The following PPP6R2 variants were observed in gnomAD, a reference collection of about 807,000 sequenced individuals.
PPP6R2 encodes the protein serine/threonine-protein phosphatase 6 regulatory subunit 2.
Under a neutral mutation model 100.2 loss-of-function variants are expected in PPP6R2, and 62 were observed. The ratio of observed to expected loss-of-function variants is 0.62; its 90% CI spans 0.50 to 0.76. The LOEUF (loss-of-function observed/expected upper bound fraction) is 0.76. PPP6R2 is among the 30% of genes least tolerant of loss of function. PPP6R2 has a pLI of 0.00. For missense variants in PPP6R2, 1,142 were observed against 1,276.3 expected (o/e 0.89, Z 1.60); for synonymous variants, 525 against 514.7 (o/e 1.02, Z -0.27).
chr22:50,347,852 C>A (rs184236210), intron 1 of PPP6R2, among the ~76,000 whole-genome samples: 11 of 152,314 alleles, frequency 7.2e-5, no homozygotes, highest in Non-Finnish European at 1.0e-4. Flanking sequence ...AGGCTCTTCA[C>A]CTCTTTTTGA....
At chr22:50,398,504 A>G (rs1301301270) in intron 3 of PPP6R2, among the ~76,000 whole-genome samples, 1 of 147,536 alleles carries the variant, frequency 6.8e-6, no homozygotes, top group South Asian at 2.1e-4. Context: ...AAAAAAAAAA[A>G]CATATTAAGA....
At chr22:50,393,856 A>G in intron 2 of PPP6R2, 37 bp from the exon 3 acceptor site, 1 of 1,609,256 alleles carries the variant, frequency 6.2e-7, no homozygotes, top group Non-Finnish European at 8.5e-7. Context: ...TGGATTTGCA[A>G]GGGTGAGAGA....
intron 12 of PPP6R2, among the ~76,000 whole-genome samples, chr22:50,433,551 C>G (rs2063586935): frequency 1.1e-5 from 1 of 91,028 alleles, no homozygotes; most frequent in African/African-American, 4.0e-5. Context: ...GGCGCGGACG[C>G]TGGGCAGGGG....
In PPP6R2 at chr22:50,414,705, C is replaced by CCCCCGTT; in HGVS notation, c.552+20_552+21insGTTCCCC. 4 of 1,591,808 alleles carry CCCCCGTT rather than the reference C, an allele frequency of 2.5e-6. No homozygotes were observed. The highest frequency in any genetic ancestry group is 1.7e-5 in the Admixed American group (1 of 58,960). On this transcript the variant is annotated intron_variant, in intron 5 of 23. Transcript: ENST00000612753. ...CGTCCTGCACGTGAGTGCGGGAGTC[C>CCCCCGTT]CCCCCCGTTCCCGAGGGCAGGGGTG...
intron 2 of PPP6R2, among the ~76,000 whole-genome samples, chr22:50,382,417 T>C (rs1415262785): frequency 6.6e-6 from 1 of 151,280 alleles, no homozygotes; most frequent in Non-Finnish European, 1.5e-5. Flanking sequence ...ACTAACATGG[T>C]GAAACCCCGT....
chr22:50,342,405 G>A (rs2042501872), upstream of PPP6R2, among the ~76,000 whole-genome samples: 1 of 152,264 alleles, frequency 6.6e-6, no homozygotes, highest in Non-Finnish European at 1.5e-5. Context: ...GCTGACCAGG[G>A]CAGGGGACAG....
intron 2 of PPP6R2, among the ~76,000 whole-genome samples, chr22:50,385,789 T>G (rs1189181634): frequency 4.7e-5 from 7 of 148,810 alleles, no homozygotes; most frequent in South Asian, 2.1e-4. Flanking sequence ...GTGCTGGGAT[T>G]ACAGGCATGA....
In PPP6R2 at chr22:50,441,023, G is replaced by A; in HGVS notation, c.2576G>A (p.Gly859Asp). 6.3e-7 allele frequency: 1 copy of A among 1,581,512 alleles called. No homozygotes were observed. Among genetic ancestry groups the A allele is most frequent in the South Asian group, 1.1e-5 (1 of 89,284 alleles). Residue 859 changes from glycine (G) to aspartate (D), a missense_variant, in exon 22 of 24, where the codon GGC (glycine) becomes GAC (aspartate). Transcript: ENST00000612753. ...GTGGCCAGGACAGAGGAGGCTGTCG[G>A]CAGGTGTGTGGGGCGTGGCGGGGGC... is the stretch of plus-strand genomic sequence containing the variant. ...PTVARTEEAVGRVGCADSRLL... is the reference protein window; with the variant it reads ...PTVARTEEAVDRVGCADSRLL...
chr22:50,332,334 C>G, the PPP6R2 span, among the ~76,000 whole-genome samples: 3 of 151,544 alleles, frequency 2.0e-5, no homozygotes, highest in Non-Finnish European at 4.4e-5. Flanking sequence ...TTCACCCCCC[C>G]ATTCTTCTGC....
At chr22:50,362,477 C>T (rs541025063) in intron 1 of PPP6R2, among the ~76,000 whole-genome samples, 3 of 152,232 alleles carry the variant, frequency 2.0e-5, no homozygotes, top group East Asian at 1.9e-4. Flanking sequence ...CTCAGCCCGT[C>T]GCTGAGTCCT....
chr22:50,391,521 G>T (rs2055544465), intron 2 of PPP6R2, among the ~76,000 whole-genome samples: 1 of 151,638 alleles, frequency 6.6e-6, no homozygotes, highest in African/African-American at 2.4e-5. Context: ...GGCTGAGATG[G>T]GAGGACTGCT....
At chr22:50,430,866 T>G (rs1336496099) in intron 10 of PPP6R2, among the ~76,000 whole-genome samples, 8 of 110,522 alleles carry the variant, frequency 7.2e-5, no homozygotes, top group Admixed American at 1.2e-4. Flanking sequence ...AAAGCAAGAC[T>G]CCGTCTCAAA....
intron 1 of PPP6R2, among the ~76,000 whole-genome samples, chr22:50,366,231 A>C (rs1490319894): frequency 6.6e-6 from 1 of 151,858 alleles, no homozygotes; most frequent in Non-Finnish European, 1.5e-5. Context: ...TTACGTCCAA[A>C]GCCTTGTGAA....
intron 1 of PPP6R2, among the ~76,000 whole-genome samples, chr22:50,347,598 C>T (rs1397220271): frequency 6.6e-6 from 1 of 152,078 alleles, no homozygotes; most frequent in Non-Finnish European, 1.5e-5. Context: ...TTGTTACTGA[C>T]TCCTCCCAAT....
chr22:50,424,762 C>T (rs1008174246), intron 10 of PPP6R2, among the ~76,000 whole-genome samples: 2 of 151,756 alleles, frequency 1.3e-5, no homozygotes, highest in Admixed American at 6.6e-5. Flanking sequence ...CTCAGCCTCC[C>T]GAGTAGCTGA....
intron 2 of PPP6R2, among the ~76,000 whole-genome samples, chr22:50,390,005 T>C (rs1017429837): frequency 1.3e-5 from 2 of 151,566 alleles, no homozygotes; most frequent in African/African-American, 4.8e-5. Flanking sequence ...TTTCTTTTTT[T>C]TTTTGAGATG....
At chr22:50,409,661 C>T (rs531884665) in intron 4 of PPP6R2, among the ~76,000 whole-genome samples, 182 of 152,252 alleles carry the variant, frequency 1.2e-3, no homozygotes, top group African/African-American at 4.2e-3. Context: ...CTCTTGACCT[C>T]GTGATCCGCC....
rs141233914 is a variant in PPP6R2 at position 50,348,651 on chromosome 22, C to T, written c.-148+5101C>T. 3.4e-3 allele frequency among the ~76,000 whole-genome samples: 523 copies of T among 152,036 alleles called. 1 individual carries two copies. Among genetic ancestry groups the T allele is most frequent in the African/African-American group, 0.012 (497 of 41,426 alleles). On this transcript the variant is annotated intron_variant, in intron 1 of 23. Coordinates refer to ENST00000612753, the MANE Select transcript of PPP6R2 (RefSeq NM_001242898.2). The stretch of plus-strand genomic sequence containing the variant: ...GAAAGTAGGGGAAGTCTGAGAAGTC[C>T]GAGGGTCACTAGGGAGAAGGTATCT...
At chr22:50,340,307 GTC>G (rs1382493638), upstream of PPP6R2, among the ~76,000 whole-genome samples, 15 of 135,180 alleles carry the variant, frequency 1.1e-4, no homozygotes, top group African/African-American at 3.6e-4. Flanking sequence ...TGTGGTGTGT[GTC>G]TCGGGTGTGT....
Sources: gnomAD v4.1 joint callset for allele counts (sites outside exome capture counted in the v4.1 genomes callset) on GRCh38, gnomAD v4.1.1 for gene constraint, MANE v1.5 for transcripts, NCBI Gene and HGNC (gene_info 2026-07-23, HGNC 2026-07-21) for gene names.